The following UNKL variants were observed in gnomAD, a reference collection of about 807,000 sequenced individuals.
UNKL encodes the protein putative E3 ubiquitin-protein ligase UNKL.
UNKL carries 60 observed loss-of-function variants against 78.0 expected under a neutral mutation model. That is an observed-to-expected ratio of 0.77 (90% CI 0.63 to 0.95). The LOEUF (loss-of-function observed/expected upper bound fraction) is 0.95, where lower values mean the gene tolerates loss of function less well. UNKL is among the 40% of genes least tolerant of loss of function. UNKL has a pLI of 0.00. For missense variants in UNKL, 1,159 were observed against 1,045.7 expected (o/e 1.11, Z -1.49); for synonymous variants, 608 against 474.8 (o/e 1.28, Z -3.65).
In UNKL at chr16:1,399,534, T is replaced by C. The variant is rs1276918960; in HGVS notation, c.599-25A>G. The C allele has an allele frequency of 6.3e-7, 1 of 1,576,576 alleles. No individual in the cohort carries two copies. The highest frequency in any genetic ancestry group is 1.2e-5 in the South Asian group (1 of 86,580). ...TCTGAAAAATGGGCCACACGGTGCC[T>C]GAGCAGCGCGACTGGAAGCAATGCT... On this transcript the variant is annotated intron_variant, in intron 4 of 14. Coordinates refer to ENST00000389221, the MANE Select transcript of UNKL (RefSeq NM_001372107.1). This position sits in a 1 kb window ranked among gnomAD's most constrained non-coding sequence, Gnocchi z 5.8.
chr16:1,397,252 C>G lies in UNKL; in HGVS notation c.778G>C (p.Glu260Gln). ...TCGCCGCCATCGCAGCGTGAGGGTT[C>G]CCCCCACTCATCCCCGTGCTTCACA... ...PSVKHGDEWG[E>Q]PSRCDGGDGC... Residue 260 changes from glutamate (E) to glutamine (Q), a missense_variant, in exon 6 of 15, where the codon GAA (glutamate) becomes CAA (glutamine). By Grantham distance (29) the Glu-to-Gln change is conservative. Transcript: ENST00000389221. 6.5e-7 allele frequency: 1 copy of G among 1,540,570 alleles called. No individual in the cohort carries two copies. Among genetic ancestry groups the G allele is most frequent in the Admixed American group, 2.0e-5 (1 of 50,944 alleles).
intron 6 of UNKL, among the ~76,000 whole-genome samples, chr16:1,396,286 G>A (rs1052993730): frequency 4.8e-5 from 7 of 146,360 alleles, no homozygotes; most frequent in African/African-American, 7.6e-5. Flanking sequence ...ATGGAGTCTC[G>A]CTCTGTCCTC....
intron 2 of UNKL, among the ~76,000 whole-genome samples, chr16:1,404,701 C>G (rs2037670285): frequency 6.6e-6 from 1 of 152,224 alleles, no homozygotes; most frequent in Non-Finnish European, 1.5e-5. Flanking sequence ...AGCCAAGAGG[C>G]AGAAACCACC....
chr16:1,367,154 G>A lies in UNKL; in HGVS notation c.1984C>T (p.Pro662Ser). Residue 662 changes from proline (P) to serine (S), a missense_variant, in exon 14 of 15, where the codon CCC becomes TCC. By Grantham distance (74) the Pro-to-Ser change is moderately conservative. Coordinates refer to ENST00000389221, the MANE Select transcript of UNKL (RefSeq NM_001372107.1). The part of the protein sequence containing the change: ...LRGCGDIGTI[P>S]LPKLHSLQSQ... ...TGCAGCGAGTGCAGCTTCGGCAGGGGAATGGTGCCGATGTCCCCACAGCCC... is the reference window on the plus strand; with the variant it reads ...TGCAGCGAGTGCAGCTTCGGCAGGGAAATGGTGCCGATGTCCCCACAGCCC... 6.2e-7 allele frequency: 1 copy of A among 1,603,112 alleles called. No individual in the cohort carries two copies. Among genetic ancestry groups the A allele is most frequent in the Non-Finnish European group, 8.5e-7 (1 of 1,177,030 alleles).
chr16:1,398,475 G>A, intron 5 of UNKL: 12 of 1,202,468 alleles, frequency 1.0e-5, no homozygotes, highest in Non-Finnish European at 8.3e-6. Context: ...AAGCTGCTCA[G>A]AGGGAGACTG....
intron 10 of UNKL, among the ~76,000 whole-genome samples, chr16:1,372,247 G>C (rs940301360): frequency 1.3e-5 from 2 of 151,976 alleles, no homozygotes; most frequent in Admixed American, 1.3e-4. Context: ...CTGGACGACA[G>C]AGCAAGATTC....
rs751719035 is a variant in UNKL, at chr16:1,367,205, C to A, written c.1933G>T (p.Val645Leu). 5 of 1,604,960 alleles carry A rather than the reference C, an allele frequency of 3.1e-6. No individual in the cohort carries two copies. Among genetic ancestry groups the A allele is most frequent in the Admixed American group, 3.4e-5 (2 of 59,476 alleles). The change falls in exon 14 of 15, where the codon GTA becomes TTA. Residue 645 changes from valine (V) to leucine (L), a missense_variant. Physicochemically the swap from Val to Leu is conservative, Grantham distance 32. Coordinates refer to ENST00000389221, the MANE Select transcript of UNKL (RefSeq NM_001372107.1). ...QLQEELEGLG[V>L]ASTLPGLRGC... The stretch of plus-strand genomic sequence containing the variant: ...CGCAGCCCCGGCAGTGTGGAGGCTA[C>A]GCCCAGGCCCTCCAGCTCCTCCTGC...
Position 1,403,360 on chromosome 16 carries a change from G to C in UNKL, c.288-16C>G. 1 of 1,612,406 alleles carries C rather than the reference G, an allele frequency of 6.2e-7. No individual in the cohort carries two copies. ...GTAGGGACACCTGGGGAGCAGAGAG[G>C]CACGCAATGCCTGGTTATCATGGAC... On this transcript the variant is annotated splice_polypyrimidine_tract_variant and intron_variant, in intron 2 of 14. Transcript: ENST00000389221. The surrounding 1 kb of genome is among the most constrained non-coding windows in gnomAD (Gnocchi z 4.8).
chr16:1,375,693 T>C (rs2036164671), intron 10 of UNKL, among the ~76,000 whole-genome samples: 1 of 152,200 alleles, frequency 6.6e-6, no homozygotes, highest in African/African-American at 2.4e-5. Flanking sequence ...CAAGACCCCC[T>C]GGGGACCAGG....
rs750641810 is a variant in UNKL, at chr16:1,403,727, G to A, written c.288-383C>T. Among the ~76,000 whole-genome samples the A allele has an allele frequency of 1.3e-5, 2 of 152,192 alleles. No homozygotes were observed. The highest frequency in any genetic ancestry group is 2.4e-5 in the African/African-American group (1 of 41,458). On this transcript the variant is annotated intron_variant, in intron 2 of 14. Transcript: ENST00000389221. The surrounding 1 kb of genome is among the most constrained non-coding windows in gnomAD (Gnocchi z 4.8). ...AGTTCATGCCCTGCACGCAGGCTGC[G>A]TCACCTTCCTTACCCGTCGCAGTCA...
At chr16:1,400,712 G>T (rs966617229) in intron 4 of UNKL, among the ~76,000 whole-genome samples, 5 of 151,686 alleles carry the variant, frequency 3.3e-5, no homozygotes, top group African/African-American at 1.2e-4. Context: ...TTTTGAAACG[G>T]AGTCTCACTC....
At position 1,367,323 on chromosome 16, in the gene UNKL, C is replaced by A; in HGVS notation, c.1815G>T (p.Ala605=). The A allele has an allele frequency of 6.5e-7, 1 of 1,547,962 alleles. No homozygotes were observed. The highest frequency in any genetic ancestry group is 8.7e-7 in the Non-Finnish European group (1 of 1,151,144). The change falls in exon 14 of 15, where the codon GCG becomes GCT. Residue 605 remains alanine (A), a synonymous_variant. Transcript: ENST00000389221. ...CACGGGCACGCTCCTTGGCCTCCTG[C>A]GCCTCTCGCTGCCAGGCATCGCAGA... ...KQVCDAWQRE[A]QEAKERARVA...
At chr16:1,408,381 A>AGCGGG (rs558005603) in intron 2 of UNKL, 2 of 152,750 alleles carry the variant, frequency 1.3e-5, no homozygotes, top group Non-Finnish European at 2.9e-5. Context: ...GCCTTTCCCG[A>AGCGGG]GCGGGGCGGG....
chr16:1,396,117 T>C lies in UNKL; in HGVS notation c.852+1061A>G, dbSNP rs531627477. On this transcript the variant is annotated intron_variant, in intron 6 of 14. Transcript: ENST00000389221. ...CCACTACACCTGGCTAATTTTTGTA[T>C]TTTTAGTAGAGACAGGGTTTCACCA... Among the ~76,000 whole-genome samples, 3 of 151,690 alleles carry C rather than the reference T, an allele frequency of 2.0e-5. No homozygotes were observed. The South Asian group carries it at 6.2e-4, about 32-fold the overall frequency.
intron 9 of UNKL, among the ~76,000 whole-genome samples, chr16:1,386,768 C>T (rs1444721613): frequency 6.6e-6 from 1 of 152,140 alleles, no homozygotes; most frequent in Non-Finnish European, 1.5e-5. Flanking sequence ...GCTTCTGTGA[C>T]CTAAGGGTCC....
At chr16:1,377,305 G>A (rs889930145) in intron 10 of UNKL, among the ~76,000 whole-genome samples, 3 of 152,128 alleles carry the variant, frequency 2.0e-5, no homozygotes, top group African/African-American at 7.2e-5. Context: ...ACAGGTGCAA[G>A]CCACCATGCC....
chr16:1,366,463 G>A, intron 14 of UNKL, 68 bp from the exon 15 acceptor site: 5 of 1,469,932 alleles, frequency 3.4e-6, no homozygotes, highest in South Asian at 1.4e-5. Context: ...GGGAGCCGGA[G>A]GGCCTTCCGG....
In UNKL at chr16:1,366,384, C is replaced by A; in HGVS notation, c.2058G>T (p.Gln686His). ...AGGCCACACACTGCTTGGCGCGGAGCTGGAAGATCACCTGCAGGGCCAGAA... is the reference window on the plus strand; with the variant it reads ...AGGCCACACACTGCTTGGCGCGGAGATGGAAGATCACCTGCAGGGCCAGAA... ...DLEAVDGVIF[Q>H]LRAKQCVACR... Residue 686 changes from glutamine to histidine, a missense_variant, in exon 15 of 15, where the codon CAG becomes CAT. Physicochemically the swap from Gln to His is conservative, Grantham distance 24. Coordinates refer to ENST00000389221, the MANE Select transcript of UNKL (RefSeq NM_001372107.1). 6.3e-7 allele frequency: 1 copy of A among 1,592,754 alleles called. No individual in the cohort carries two copies. Among genetic ancestry groups the A allele is most frequent in the Non-Finnish European group, 8.6e-7 (1 of 1,167,266 alleles).
At chr16:1,378,238 C>T (rs2036374926) in intron 10 of UNKL, among the ~76,000 whole-genome samples, 1 of 152,208 alleles carries the variant, frequency 6.6e-6, no homozygotes, top group Non-Finnish European at 1.5e-5. Flanking sequence ...GACCCCCCAA[C>T]CCGCAGGCCT....
Sources: allele counts gnomAD v4.1 joint callset (sites outside exome capture counted in the v4.1 genomes callset), GRCh38; gene constraint gnomAD v4.1.1; non-coding constraint Gnocchi (gnomAD v3.1); transcripts MANE v1.5; gene names NCBI Gene and HGNC (gene_info 2026-07-23, HGNC 2026-07-21).